Variants in ARHGAP6 observed in about 807,000 individuals in gnomAD.
ARHGAP6 encodes Rho GTPase activating protein 6, also known as rho GTPase-activating protein 6.
In ARHGAP6, 16 loss-of-function variants were observed where a neutral mutation model predicts 55.7. The ratio of observed to expected loss-of-function variants is 0.29; its 90% CI spans 0.19 to 0.44. The LOEUF (loss-of-function observed/expected upper bound fraction) is 0.44. ARHGAP6 is among the 20% of genes least tolerant of loss of function. The probability of loss-of-function intolerance (pLI) is 1.00; values close to 1 mark genes in which losing one functional copy is unlikely to be tolerated. For synonymous variants in ARHGAP6, 382 were observed against 360.9 expected (o/e 1.06, Z -0.66); for missense variants, 698 against 808.9 (o/e 0.86, Z 1.66).
At chrX:11,339,899 A>G (rs892859004) in intron 1 of ARHGAP6, among the ~76,000 whole-genome samples, 15 of 112,223 alleles carry the variant, frequency 1.3e-4, no homozygotes, top group African/African-American at 4.5e-4. Flanking sequence ...TTGCTCAAGC[A>G]AGCTCTTGAG....
chrX:11,400,513 C>T (rs1380840520), intron 1 of ARHGAP6, among the ~76,000 whole-genome samples: 1 of 107,006 alleles, frequency 9.3e-6, no homozygotes, highest in Non-Finnish European at 1.9e-5. Flanking sequence ...CACCCCGTCC[C>T]CCCCTGGCTA....
At chrX:11,567,053 G>A (rs1350229980) in intron 1 of ARHGAP6, among the ~76,000 whole-genome samples, 1 of 112,228 alleles carries the variant, frequency 8.9e-6, no homozygotes, top group Non-Finnish European at 1.9e-5. Flanking sequence ...CCCTGATGCA[G>A]TCTGGCCCAC....
intron 1 of ARHGAP6, among the ~76,000 whole-genome samples, chrX:11,654,827 T>C (rs2052620981): frequency 8.9e-6 from 1 of 112,293 alleles, no homozygotes; most frequent in Non-Finnish European, 1.9e-5. Context: ...CATTTATATT[T>C]ATGTTTTATT....
chrX:11,210,143 G>T (rs960496746), intron 2 of ARHGAP6, among the ~76,000 whole-genome samples: 8 of 112,522 alleles, frequency 7.1e-5, no homozygotes, highest in African/African-American at 2.6e-4. Flanking sequence ...AGAGGCATTT[G>T]AGCAACATGC....
At chrX:11,596,938 T>C (rs940628899) in intron 1 of ARHGAP6, among the ~76,000 whole-genome samples, 6 of 112,087 alleles carry the variant, frequency 5.4e-5, no homozygotes, top group African/African-American at 1.9e-4. Context: ...TATTTTGATA[T>C]GTAGCTAGGG....
intron 1 of ARHGAP6, among the ~76,000 whole-genome samples, chrX:11,481,762 T>C (rs1463447008): frequency 8.9e-6 from 1 of 112,912 alleles, no homozygotes. Flanking sequence ...TCCTGTATTT[T>C]TATTTGCTTA....
intron 1 of ARHGAP6, among the ~76,000 whole-genome samples, chrX:11,603,301 A>T (rs1274111707): frequency 8.9e-6 from 1 of 112,256 alleles, no homozygotes; most frequent in East Asian, 2.8e-4. Flanking sequence ...CTGATGAAGA[A>T]GATCTATAGG....
intron 1 of ARHGAP6, among the ~76,000 whole-genome samples, chrX:11,524,080 T>C (rs754761816): frequency 8.9e-6 from 1 of 112,000 alleles, no homozygotes; most frequent in South Asian, 3.7e-4. Context: ...ATACAAGTAC[T>C]CAAAACCTGA....
At chrX:11,324,468 A>C (rs2048474052) in intron 1 of ARHGAP6, among the ~76,000 whole-genome samples, 1 of 111,599 alleles carries the variant, frequency 9.0e-6, no homozygotes, top group Admixed American at 9.5e-5. Flanking sequence ...AATGACTACA[A>C]CAATGCTCCT....
At chrX:11,560,760 T>C (rs1268162506) in intron 1 of ARHGAP6, among the ~76,000 whole-genome samples, 1 of 112,693 alleles carries the variant, frequency 8.9e-6, no homozygotes, top group East Asian at 2.8e-4. Context: ...GAAAGTCAAA[T>C]GCTCCTAAAG....
At chrX:11,191,047 T>C (rs959319580) in intron 3 of ARHGAP6, among the ~76,000 whole-genome samples, 5 of 112,671 alleles carry the variant, frequency 4.4e-5, no homozygotes, top group Non-Finnish European at 7.5e-5. Flanking sequence ...CTTTAAACCA[T>C]GGATAATGGT....
At chrX:11,567,566 A>AAAAAAAAAAAATATATAT (rs1440758737) in intron 1 of ARHGAP6, among the ~76,000 whole-genome samples, 1 of 84,411 alleles carries the variant, frequency 1.2e-5, no homozygotes, top group African/African-American at 4.7e-5. Flanking sequence ...AAAAAAAAAA[A>AAAAAAAAAAAATATATAT]ATATATATAT....
intron 1 of ARHGAP6, among the ~76,000 whole-genome samples, chrX:11,530,514 G>A (rs751168745): frequency 9.0e-6 from 1 of 111,585 alleles, no homozygotes; most frequent in South Asian, 3.7e-4. Flanking sequence ...TACCATTCTC[G>A]ATACATACGA....
At chrX:11,602,172 AAT>A (rs768156332) in intron 1 of ARHGAP6, among the ~76,000 whole-genome samples, 1 of 111,489 alleles carries the variant, frequency 9.0e-6, no homozygotes, top group African/African-American at 3.3e-5. Flanking sequence ...ATGCTTCATA[AAT>A]ATATATATAA....
At chrX:11,417,059 C>CATATATAT (rs768174897) in intron 1 of ARHGAP6, among the ~76,000 whole-genome samples, 403 of 33,267 alleles carry the variant, frequency 0.012, 10 homozygotes, top group Middle Eastern at 0.071. Flanking sequence ...TGGGTGTGTA[C>CATATATAT]ATATATATAT....
At chrX:11,359,557 T>A (rs1208121726) in intron 1 of ARHGAP6, among the ~76,000 whole-genome samples, 1 of 111,941 alleles carries the variant, frequency 8.9e-6, no homozygotes, top group Non-Finnish European at 1.9e-5. Context: ...ATCACCATAT[T>A]CCAATGTATT....
At chrX:11,197,020 TATAAAG>T (rs774365831) in intron 2 of ARHGAP6, 24 bp from the exon 3 acceptor site, 9 of 794,909 alleles carry the variant, frequency 1.1e-5, no homozygotes, top group Non-Finnish European at 1.7e-5. Flanking sequence ...AAGGAGAAGT[TATAAAG>T]ATAAACATAT....
At chrX:11,400,149 G>A (rs190498847) in intron 1 of ARHGAP6, among the ~76,000 whole-genome samples, 236 of 111,836 alleles carry the variant, frequency 2.1e-3, no homozygotes, top group African/African-American at 7.3e-3. Flanking sequence ...AACATGTGGT[G>A]ATAAATGCAC....
intron 2 of ARHGAP6, among the ~76,000 whole-genome samples, chrX:11,243,964 G>T (rs369539501): frequency 9.0e-6 from 1 of 111,489 alleles, no homozygotes; most frequent in Non-Finnish European, 1.9e-5. Context: ...ATTAAGTTTT[G>T]CACACTGTCA....
Sources: allele counts gnomAD v4.1 joint callset (sites outside exome capture counted in the v4.1 genomes callset), GRCh38; gene constraint gnomAD v4.1.1; transcripts MANE v1.5; gene names NCBI Gene and HGNC (gene_info 2026-07-23, HGNC 2026-07-21).